ZFYVE28: variants seen among roughly 807,000 people sequenced by gnomAD.
ZFYVE28 encodes lateral signaling target protein 2 homolog.
ZFYVE28 carries 40 observed loss-of-function variants against 82.1 expected under a neutral mutation model. The ratio of observed to expected loss-of-function variants is 0.49; its 90% CI spans 0.38 to 0.63. The LOEUF is 0.63. Among genes scored for constraint, ZFYVE28 ranks in the 30% least tolerant of loss-of-function variants. The pLI, the probability that ZFYVE28 is intolerant of heterozygous loss-of-function variation, is 0.00. For synonymous variants in ZFYVE28, 612 were observed against 546.1 expected (o/e 1.12, Z -1.68); for missense variants, 1,321 against 1,242.1 (o/e 1.06, Z -0.96).
At chr4:2,387,203 T>C (rs867368836) in intron 1 of ZFYVE28, among the ~76,000 whole-genome samples, 2 of 152,094 alleles carry the variant, frequency 1.3e-5, no homozygotes, top group Non-Finnish European at 2.9e-5. Context: ...CCAAGGCTCC[T>C]GGCAGTCCAC....
At chr4:2,298,537 C>T (rs796764620) in intron 8 of ZFYVE28, among the ~76,000 whole-genome samples, 21 of 152,280 alleles carry the variant, frequency 1.4e-4, no homozygotes, top group African/African-American at 4.8e-4. Flanking sequence ...CGCACACAGG[C>T]GGGGCATGTG....
At chr4:2,382,920 C>T (rs967272875) in intron 1 of ZFYVE28, among the ~76,000 whole-genome samples, 18 of 137,654 alleles carry the variant, frequency 1.3e-4, no homozygotes, top group African/African-American at 3.5e-4. Context: ...GAAGCAAAAG[C>T]AGAAACCCCT....
intron 5 of ZFYVE28, among the ~76,000 whole-genome samples, chr4:2,336,111 TAAGGCA>T (rs1017006565): frequency 6.6e-6 from 1 of 152,098 alleles, no homozygotes; most frequent in African/African-American, 2.4e-5. Context: ...GCAAAGACAG[TAAGGCA>T]ACCCAGAGGA....
chr4:2,380,215 C>T (rs537141927), intron 1 of ZFYVE28, among the ~76,000 whole-genome samples: 13 of 152,220 alleles, frequency 8.5e-5, no homozygotes, highest in African/African-American at 1.2e-4. Flanking sequence ...TGGATGCATC[C>T]GGGGTTTTCT....
In ZFYVE28 at chr4:2,408,821, G is replaced by A. The variant is rs151174923; in HGVS notation, c.39+9464C>T. 1.0e-3 allele frequency among the ~76,000 whole-genome samples: 156 copies of A among 151,752 alleles called. 1 individual carries two copies. Among genetic ancestry groups the A allele is most frequent in the African/African-American group, 3.1e-3 (129 of 41,074 alleles). ...ATGAAGCCACGCCCAGGTGAGCCCC[G>A]CCCCACGGGCTGATCCACCCAATCC... On this transcript the variant is annotated intron_variant, in intron 1 of 12. Coordinates refer to ENST00000290974, the MANE Select transcript of ZFYVE28 (RefSeq NM_020972.3). This position sits in a 1 kb window ranked among gnomAD's most constrained non-coding sequence, Gnocchi z 4.3.
In ZFYVE28 at chr4:2,302,767, G is replaced by A. The variant is rs183170845; in HGVS notation, c.2051+1522C>T. On this transcript the variant is annotated intron_variant, in intron 8 of 12. Transcript: ENST00000290974. ...AAGACGGTCTCCCCATGCAGTGAGCGTGATTCAGTCATAAAAAGGAACGGC... is the reference window on the plus strand; with the variant it reads ...AAGACGGTCTCCCCATGCAGTGAGCATGATTCAGTCATAAAAAGGAACGGC... Among the ~76,000 whole-genome samples the A allele has an allele frequency of 1.0e-4, 16 of 152,394 alleles. No homozygotes were observed. The East Asian group carries it at 1.7e-3, about 17-fold the overall frequency.
At chr4:2,313,306 G>C (rs1477433535) in intron 7 of ZFYVE28, among the ~76,000 whole-genome samples, 1 of 151,766 alleles carries the variant, frequency 6.6e-6, no homozygotes, top group Non-Finnish European at 1.5e-5. Context: ...TGTGGTGCAG[G>C]CTGGAGTGCA....
At position 2,386,836 on chromosome 4, in the gene ZFYVE28, G is replaced by A. The variant is rs571221325; in HGVS notation, c.39+31449C>T. 1.1e-4 allele frequency among the ~76,000 whole-genome samples: 17 copies of A among 152,370 alleles called. No individual in the cohort carries two copies. The South Asian group carries it at 1.7e-3, about 15-fold the overall frequency. On this transcript the variant is annotated intron_variant, in intron 1 of 12. Coordinates refer to ENST00000290974, the MANE Select transcript of ZFYVE28 (RefSeq NM_020972.3). ...CAGGCGCTTTCAGCAGTAAAACCCC[G>A]CTGCGCGCCTGCTGAGGCCATGCCC...
chr4:2,393,936 G>A (rs1560329955), intron 1 of ZFYVE28, among the ~76,000 whole-genome samples: 1 of 152,326 alleles, frequency 6.6e-6, no homozygotes, highest in East Asian at 1.9e-4. Context: ...CAGAATTCCA[G>A]CCTGGGTCTC....
Position 2,335,628 on chromosome 4 carries a change from C to G in ZFYVE28, c.701+77G>C. 7.1e-7 allele frequency: 1 copy of G among 1,404,208 alleles called. No homozygotes were observed. Among genetic ancestry groups the G allele is most frequent in the Non-Finnish European group, 9.8e-7 (1 of 1,018,966 alleles). 87.0% of individuals were successfully genotyped at this position (1,404,208 alleles called of 1,614,324 possible). A position where few individuals can be genotyped will look rare whatever the true frequency, so the allele number is the denominator to read the frequency against. On this transcript the variant is annotated intron_variant, in intron 6 of 12. Coordinates refer to ENST00000290974, the MANE Select transcript of ZFYVE28 (RefSeq NM_020972.3). The surrounding 1 kb of genome is among the most constrained non-coding windows in gnomAD (Gnocchi z 5.8). ...AGGTGGAGACGCCATGGACCGGCAC[C>G]CGCACGGGACCTGGCACCATCAGCC...
intron 6 of ZFYVE28, among the ~76,000 whole-genome samples, chr4:2,331,262 C>T (rs568001573): frequency 5.9e-5 from 9 of 151,870 alleles, no homozygotes; most frequent in Non-Finnish European, 1.0e-4. Flanking sequence ...CGCAGCGAGG[C>T]GGGCAGGCAG....
At chr4:2,327,251 AATATATATATATAT>A (rs67940269) in intron 6 of ZFYVE28, among the ~76,000 whole-genome samples, 897 of 86,856 alleles carry the variant, frequency 0.01, 16 homozygotes, top group Admixed American at 0.014. Flanking sequence ...CTCCATCTCA[AATATATATATATAT>A]ATATATATAT....
chr4:2,291,234 G>A (rs932060331), intron 8 of ZFYVE28, among the ~76,000 whole-genome samples: 2 of 152,242 alleles, frequency 1.3e-5, no homozygotes, highest in Non-Finnish European at 2.9e-5. Flanking sequence ...GTTGAAACCC[G>A]CTTCCTCTTG....
chr4:2,316,216 G>A, intron 7 of ZFYVE28: 1 of 150,474 alleles, frequency 6.6e-6, no homozygotes, highest in Non-Finnish European at 1.5e-5. Flanking sequence ...GTCTTGCTAT[G>A]TTGTCCTGGC....
chr4:2,389,141 A>C (rs554274750), intron 1 of ZFYVE28, among the ~76,000 whole-genome samples: 2 of 151,910 alleles, frequency 1.3e-5, no homozygotes, highest in Non-Finnish European at 2.9e-5. Flanking sequence ...TGCCCCCTAG[A>C]TCCACCCCAT....
intron 9 of ZFYVE28, 59 bp downstream of exon 9, chr4:2,274,003 C>A: frequency 1.9e-6 from 3 of 1,589,062 alleles, no homozygotes; most frequent in Non-Finnish European, 2.6e-6. Flanking sequence ...CTGACCTCCC[C>A]TAAAGCGCAG....
At chr4:2,399,083 A>AGATCCAGGGCACAGGCGTGG (rs1297197658) in intron 1 of ZFYVE28, among the ~76,000 whole-genome samples, 1 of 117,502 alleles carries the variant, frequency 8.5e-6, no homozygotes, top group African/African-American at 3.4e-5. Context: ...CACAAGCGTG[A>AGATCCAGGGCACAGGCGTGG]AGGTGAGATC....
intron 1 of ZFYVE28, among the ~76,000 whole-genome samples, chr4:2,401,268 G>A (rs1731145623): frequency 6.6e-6 from 1 of 152,208 alleles, no homozygotes; most frequent in Non-Finnish European, 1.5e-5. Flanking sequence ...ACGACACATG[G>A]CCCAAGGGGG....
In ZFYVE28 at chr4:2,396,171, A is replaced by C. The variant is rs112516970; in HGVS notation, c.39+22114T>G. ...GGACCAGCCATCCTGCAGAGGGGAC[A>C]CAAGGTGGGGGTGTCTGAGCTGATG... On this transcript the variant is annotated intron_variant, in intron 1 of 12. Coordinates refer to ENST00000290974, the MANE Select transcript of ZFYVE28 (RefSeq NM_020972.3). 2.8e-3 allele frequency among the ~76,000 whole-genome samples: 91 copies of C among 32,588 alleles called. 15 individuals are homozygous for C. In the East Asian group the frequency reaches 0.041, roughly 15 times the overall value. 21.4% of individuals were successfully genotyped at this position (32,588 alleles called of 152,430 possible).
Sources: allele counts gnomAD v4.1 joint callset (sites outside exome capture counted in the v4.1 genomes callset), GRCh38; gene constraint gnomAD v4.1.1; non-coding constraint Gnocchi (gnomAD v3.1); transcripts MANE v1.5; gene names NCBI Gene and HGNC (gene_info 2026-07-23, HGNC 2026-07-21).